Variants in PCDHGB5 observed in about 807,000 individuals in gnomAD.
PCDHGB5 encodes the protein protocadherin gamma subfamily B, 5.
Under a neutral mutation model 62.9 loss-of-function variants are expected in PCDHGB5, and 48 were observed. The observed-to-expected ratio is 0.76, with a 90% CI of 0.61 to 0.97. The LOEUF is 0.97. Among genes scored for constraint, PCDHGB5 ranks in the 50% least tolerant of loss-of-function variants. PCDHGB5 has a pLI of 0.00. For missense variants in PCDHGB5, 1,118 were observed against 1,198.6 expected, an observed-to-expected ratio of 0.93 and a Z score of 0.99; for synonymous variants, 474 against 511.2, an observed-to-expected ratio of 0.93 and a Z score of 0.98.
chr5:141,443,561 C>T (rs1487096752), intron 1 of PCDHGB5, among the ~76,000 whole-genome samples: 3 of 152,118 alleles, frequency 2.0e-5, no homozygotes, highest in Non-Finnish European at 1.5e-5. Context: ...AATTCAAATG[C>T]TTTAAATGGA....
Position 141,490,480 on chromosome 5 carries a change from C to G in PCDHGB5, c.2398-4327C>G. On this transcript the variant is annotated intron_variant, in intron 1 of 3. Coordinates refer to ENST00000617380, the MANE Select transcript of PCDHGB5 (RefSeq NM_018925.3). This position sits in a 1 kb window ranked among gnomAD's most constrained non-coding sequence, Gnocchi z 5.4. The stretch of plus-strand genomic sequence containing the variant: ...GCTGCTAACCAGCCAGCCTTTGGAC[C>G]GGGAGGCCACATCCCACTATATCAT... 2.5e-6 allele frequency: 4 copies of G among 1,614,194 alleles called. No homozygotes were observed. The highest frequency in any genetic ancestry group is 3.4e-6 in the Non-Finnish European group (4 of 1,180,050).
intron 2 of PCDHGB5, among the ~76,000 whole-genome samples, chr5:141,505,146 A>G (rs2099844101): frequency 6.6e-6 from 1 of 152,190 alleles, no homozygotes; most frequent in Non-Finnish European, 1.5e-5. Flanking sequence ...TGGATGACAG[A>G]GTAAGACCCT....
At chr5:141,466,508 T>C (rs2099123841) in intron 1 of PCDHGB5, among the ~76,000 whole-genome samples, 1 of 152,190 alleles carries the variant, frequency 6.6e-6, no homozygotes, top group African/African-American at 2.4e-5. Context: ...ACAGACAAGA[T>C]CATTTTTTTT....
rs771456321 is a variant in PCDHGB5, at chr5:141,398,951, C to A, written c.824C>A (p.Ser275Ter). Residue 275 changes from serine (S) to a stop codon, truncating the protein, a stop_gained, in exon 1 of 4, where the codon TCA becomes TAA. Coordinates refer to ENST00000617380, the MANE Select transcript of PCDHGB5 (RefSeq NM_018925.3). LOFTEE classifies it high-confidence loss of function. Reference sequence around the variant, plus strand: ...ACTGACCAAGACGAGGGCATCAACTCAGAAATTACTTATTCCTTCTACAGA... The same window carrying A: ...ACTGACCAAGACGAGGGCATCAACTAAGAAATTACTTATTCCTTCTACAGA... Reference protein sequence around the residue: ...SATDQDEGINSEITYSFYRTG... With the variant: ...SATDQDEGIN 2 of 1,613,822 alleles carry A rather than the reference C, an allele frequency of 1.2e-6. No individual in the cohort carries two copies. Among genetic ancestry groups the A allele is most frequent in the Admixed American group, 1.7e-5 (1 of 60,004 alleles).
chr5:141,406,257 C>T (rs1180988990), intron 1 of PCDHGB5, among the ~76,000 whole-genome samples: 1 of 151,898 alleles, frequency 6.6e-6, no homozygotes, highest in African/African-American at 2.4e-5. Context: ...TGGTCTCAAA[C>T]GATCTTCCTG....
chr5:141,409,729 G>GCAGAGC (rs1178571616), intron 1 of PCDHGB5: 2 of 1,612,966 alleles, frequency 1.2e-6, no homozygotes, highest in African/African-American at 2.7e-5. Context: ...CAGTGAGCGC[G>GCAGAGC]CAGAGCGGGG....
intron 1 of PCDHGB5, among the ~76,000 whole-genome samples, chr5:141,463,911 T>C (rs749224024): frequency 6.6e-6 from 1 of 152,156 alleles, no homozygotes; most frequent in African/African-American, 2.4e-5. Context: ...TAATAATATA[T>C]CCTGGAAATC....
intron 1 of PCDHGB5, among the ~76,000 whole-genome samples, chr5:141,463,725 C>A (rs1259646105): frequency 6.6e-6 from 1 of 152,026 alleles, no homozygotes. Flanking sequence ...GGATTACAGG[C>A]ATGAGCCACC....
rs538201613 is a variant in PCDHGB5, at chr5:141,400,333, C to T, written c.2206C>T (p.Pro736Ser). ...GLCVKSGPVV[P>S]PNYSQGTLPY... is the part of the protein sequence containing the mutation. ...CTGTGTCAAGTCTGGACCTGTGGTTCCCCCCAACTACAGTCAGGGGACTTT... is the reference window on the plus strand; with the variant it reads ...CTGTGTCAAGTCTGGACCTGTGGTTTCCCCCAACTACAGTCAGGGGACTTT... Residue 736 changes from proline to serine, a missense_variant, in exon 1 of 4, where the codon CCC becomes TCC. Pro to Ser is a moderately conservative substitution (Grantham distance 74). This residue lies in a region of PCDHGB5 where 1,034 missense variants were observed against 1,029.1 expected (regional missense o/e 1.00). Coordinates refer to ENST00000617380, the MANE Select transcript of PCDHGB5 (RefSeq NM_018925.3). The T allele has an allele frequency of 1.2e-6, 2 of 1,614,032 alleles. No individual in the cohort carries two copies. Among genetic ancestry groups the T allele is most frequent in the East Asian group, 2.2e-5 (1 of 44,890 alleles).
intron 1 of PCDHGB5, among the ~76,000 whole-genome samples, chr5:141,456,135 G>A (rs1422353665): frequency 6.6e-6 from 1 of 152,052 alleles, no homozygotes; most frequent in Non-Finnish European, 1.5e-5. Context: ...CTGACCTCCT[G>A]ATCCGCCCGC....
rs375537017 is a variant in PCDHGB5 at position 141,419,439 on chromosome 5, C to T, written c.2397+18915C>T. 22 of 1,613,154 alleles carry T rather than the reference C, an allele frequency of 1.4e-5. No individual in the cohort carries two copies. Among genetic ancestry groups the T allele is most frequent in the Non-Finnish European group, 1.7e-5 (20 of 1,179,788 alleles). On this transcript the variant is annotated intron_variant, in intron 1 of 3. Transcript: ENST00000617380. ...GCCTTCGACCACGAGCAGCTGCGCACCTTCGAGCTCACGCTGCAGGCCCGC... is the reference window on the plus strand; with the variant it reads ...GCCTTCGACCACGAGCAGCTGCGCATCTTCGAGCTCACGCTGCAGGCCCGC...
intron 1 of PCDHGB5, among the ~76,000 whole-genome samples, chr5:141,469,490 G>A (rs1346871954): frequency 3.3e-5 from 5 of 152,146 alleles, no homozygotes; most frequent in East Asian, 3.9e-4. Context: ...CAGGAGAATC[G>A]CTTGAACCCG....
intron 1 of PCDHGB5, among the ~76,000 whole-genome samples, chr5:141,402,165 T>A (rs1200714000): frequency 6.6e-6 from 1 of 152,164 alleles, no homozygotes; most frequent in Non-Finnish European, 1.5e-5. Context: ...GGCGAGAACA[T>A]CTGTAACTAT....
At chr5:141,442,129 G>T in intron 1 of PCDHGB5, 1 of 165,104 alleles carries the variant, frequency 6.1e-6, no homozygotes, top group Non-Finnish European at 1.3e-5. Flanking sequence ...CCGACAGCCT[G>T]CAGGAGACTC....
At chr5:141,463,301 A>G (rs1277348576) in intron 1 of PCDHGB5, among the ~76,000 whole-genome samples, 2 of 151,638 alleles carry the variant, frequency 1.3e-5, no homozygotes, top group South Asian at 2.1e-4. Flanking sequence ...AATCTCCCCA[A>G]ACTCTAATAT....
chr5:141,401,171 G>T (rs1222326375), intron 1 of PCDHGB5, among the ~76,000 whole-genome samples: 1 of 152,054 alleles, frequency 6.6e-6, no homozygotes, highest in African/African-American at 2.4e-5. Flanking sequence ...GTGAAAACCC[G>T]TCTCTACTAA....
intron 1 of PCDHGB5, chr5:141,442,120 C>G (rs766641164): frequency 6.0e-6 from 1 of 165,340 alleles, no homozygotes; most frequent in Admixed American, 6.5e-5. Flanking sequence ...CCCTCGTCGC[C>G]GACAGCCTGC....
chr5:141,422,850 G>C (rs184432819), intron 1 of PCDHGB5: 30 of 1,614,086 alleles, frequency 1.9e-5, no homozygotes, highest in Middle Eastern at 1.6e-4. Flanking sequence ...GCGGGGACCC[G>C]CCCCTCAGCA....
intron 1 of PCDHGB5, chr5:141,433,149 C>A (rs758972664): frequency 1.2e-6 from 2 of 1,613,856 alleles, no homozygotes; most frequent in Non-Finnish European, 1.7e-6. Context: ...TCAGGTGATT[C>A]GGTATTTTCT....
Sources: gnomAD v4.1 joint callset for allele counts (sites outside exome capture counted in the v4.1 genomes callset) on GRCh38, gnomAD v4.1.1 for gene constraint, gnomAD v4.1.1 regional missense constraint, Gnocchi (gnomAD v3.1) non-coding constraint, MANE v1.5 for transcripts, NCBI Gene and HGNC (gene_info 2026-07-23, HGNC 2026-07-21) for gene names.